Variants in ZSWIM5 observed in about 807,000 individuals in gnomAD.
ZSWIM5 encodes the protein zinc finger SWIM domain-containing protein 5.
Under a neutral mutation model 119.6 loss-of-function variants are expected in ZSWIM5, and 55 were observed. The ratio of observed to expected loss-of-function variants is 0.46; its 90% confidence interval spans 0.37 to 0.58. ZSWIM5 has a LOEUF of 0.58. ZSWIM5 is among the 20% of genes least tolerant of loss of function. ZSWIM5 has a pLI of 0.00. For synonymous variants in ZSWIM5, 537 were observed against 606.9 expected (o/e 0.88, Z 1.69); for missense variants, 1,193 against 1,512.8 (o/e 0.79, Z 3.51).
At chr1:45,114,643 C>CTT (rs374475671) in intron 1 of ZSWIM5, among the ~76,000 whole-genome samples, 14 of 133,786 alleles carry the variant, frequency 1.0e-4, no homozygotes, top group African/African-American at 3.8e-4. Flanking sequence ...TACTCTGTAT[C>CTT]TTTTTTTTTT....
At chr1:45,199,917 G>T (rs1260081777) in intron 1 of ZSWIM5, among the ~76,000 whole-genome samples, 1 of 152,134 alleles carries the variant, frequency 6.6e-6, no homozygotes, top group East Asian at 1.9e-4. Flanking sequence ...CGTAATAAGT[G>T]ACTAAACGTT....
chr1:45,191,026 A>C (rs1249268570), intron 1 of ZSWIM5, among the ~76,000 whole-genome samples: 3 of 135,576 alleles, frequency 2.2e-5, no homozygotes, highest in Admixed American at 1.8e-4. Context: ...CTCTCACTGC[A>C]AGCTGCGCCT....
Position 45,063,161 on chromosome 1 carries a change from T to C in ZSWIM5, c.953-2914A>G, listed in dbSNP as rs141445605. On this transcript the variant is annotated intron_variant, in intron 2 of 13. Coordinates refer to ENST00000359600, the MANE Select transcript of ZSWIM5 (RefSeq NM_020883.2). ...CTGCAGAGGAAATTATTTTGGTCTT[T>C]TTTTAATAGCTGCATTGAATTCCAT... Among the ~76,000 whole-genome samples, 189 of 152,340 alleles carry C rather than the reference T, an allele frequency of 1.2e-3. 3 individuals are homozygous for C. In the East Asian group the frequency reaches 0.026, roughly 21 times the overall value.
intron 2 of ZSWIM5, chr1:45,069,981 C>A: frequency 1.4e-6 from 1 of 714,382 alleles, no homozygotes; most frequent in Non-Finnish European, 2.6e-6. Context: ...TGCAGTCTAA[C>A]CCATCAGATA....
chr1:45,028,734 G>A (rs1644934535), intron 11 of ZSWIM5, among the ~76,000 whole-genome samples: 1 of 151,762 alleles, frequency 6.6e-6, no homozygotes, highest in South Asian at 2.1e-4. Context: ...CAGCCTGGGT[G>A]ACAGAGCGAG....
intron 11 of ZSWIM5, among the ~76,000 whole-genome samples, chr1:45,032,836 GT>G (rs1644961209): frequency 1.3e-5 from 2 of 150,124 alleles, no homozygotes; most frequent in Non-Finnish European, 3.0e-5. Context: ...TTTTCCCACT[GT>G]TTTCTGGCTT....
At chr1:45,020,581 A>C in intron 12 of ZSWIM5, 44 bp downstream of exon 12, 1 of 1,591,160 alleles carries the variant, frequency 6.3e-7, no homozygotes, top group Non-Finnish European at 8.6e-7. Context: ...AACTGTCACT[A>C]GGTCAGCGGT....
At chr1:45,058,240 T>G (rs1413595889) in intron 4 of ZSWIM5, among the ~76,000 whole-genome samples, 2 of 152,214 alleles carry the variant, frequency 1.3e-5, no homozygotes, top group Non-Finnish European at 2.9e-5. Context: ...GCCCTACGTC[T>G]TAAAGGTCTG....
At chr1:45,150,597 T>C (rs1344344964) in intron 1 of ZSWIM5, among the ~76,000 whole-genome samples, 2 of 152,208 alleles carry the variant, frequency 1.3e-5, no homozygotes, top group East Asian at 3.8e-4. Flanking sequence ...CAGCTCCCCT[T>C]TCTGCCCCTA....
chr1:45,039,198 T>G, intron 7 of ZSWIM5, 125 bp from the exon 8 acceptor site: 2 of 1,230,340 alleles, frequency 1.6e-6, no homozygotes, highest in Non-Finnish European at 2.3e-6. Flanking sequence ...TTCTCTATTG[T>G]CTTGCCTTGG....
At chr1:45,141,400 A>ACT (rs1171885713) in intron 1 of ZSWIM5, among the ~76,000 whole-genome samples, 1 of 152,146 alleles carries the variant, frequency 6.6e-6, no homozygotes, top group Non-Finnish European at 1.5e-5. Context: ...GAGATGAAGA[A>ACT]CTCAGGAGAG....
At chr1:45,094,423 T>A (rs566217108) in intron 1 of ZSWIM5, among the ~76,000 whole-genome samples, 1 of 152,034 alleles carries the variant, frequency 6.6e-6, no homozygotes, top group Admixed American at 6.6e-5. Flanking sequence ...GATCTCAAAC[T>A]CTGGGGCTCA....
At position 45,034,431 on chromosome 1, in the gene ZSWIM5, G is replaced by T. The variant is rs1359426107; in HGVS notation, c.2330C>A (p.Thr777Lys). ...VLENSASAGD[T>K]SHPHHMVSVV... is the part of the protein sequence containing the mutation. ...AGACACCATATGGTGAGGGTGGGAT[G>T]TGTCGCCTGCAGAAGCTGAGTTTTC... is the stretch of plus-strand genomic sequence containing the variant. Residue 777 changes from threonine to lysine, a missense_variant, in exon 11 of 14, where the codon ACA becomes AAA. Transcript: ENST00000359600. The T allele has an allele frequency of 6.2e-6, 10 of 1,612,536 alleles. No individual in the cohort carries two copies. The highest frequency in any genetic ancestry group is 8.5e-6 in the Non-Finnish European group (10 of 1,179,380).
At chr1:45,139,390 TCCTC>T (rs1383036390) in intron 1 of ZSWIM5, among the ~76,000 whole-genome samples, 1 of 141,380 alleles carries the variant, frequency 7.1e-6, no homozygotes, top group Non-Finnish European at 1.5e-5. Flanking sequence ...CTCTCTCTCC[TCCTC>T]CCTCCCTCTC....
At chr1:45,134,472 G>A (rs143828185) in intron 1 of ZSWIM5, among the ~76,000 whole-genome samples, 53 of 152,302 alleles carry the variant, frequency 3.5e-4, no homozygotes, top group Non-Finnish European at 5.3e-4. Flanking sequence ...TGTAGGTCTT[G>A]AAGAGAAAAG....
chr1:45,042,064 T>G (rs1229014838), intron 6 of ZSWIM5, among the ~76,000 whole-genome samples: 1 of 152,206 alleles, frequency 6.6e-6, no homozygotes, highest in Non-Finnish European at 1.5e-5. Context: ...CTGTACCTTA[T>G]TTTTATCCAT....
chr1:45,143,294 A>C (rs925302181), intron 1 of ZSWIM5, among the ~76,000 whole-genome samples: 1 of 152,172 alleles, frequency 6.6e-6, no homozygotes, highest in Non-Finnish European at 1.5e-5. Context: ...ACAAAGAATA[A>C]TATACCACAA....
intron 2 of ZSWIM5, among the ~76,000 whole-genome samples, chr1:45,060,698 G>A (rs1199120370): frequency 6.6e-6 from 1 of 152,100 alleles, no homozygotes; most frequent in Non-Finnish European, 1.5e-5. Flanking sequence ...TTGAGACAGG[G>A]TCTCACTCTG....
intron 2 of ZSWIM5, among the ~76,000 whole-genome samples, chr1:45,063,095 T>G (rs1314937410): frequency 6.6e-6 from 1 of 152,230 alleles, no homozygotes; most frequent in East Asian, 1.9e-4. Context: ...ATTTCTGAAT[T>G]AATTTACTTA....
Sources: allele counts gnomAD v4.1 joint callset (sites outside exome capture counted in the v4.1 genomes callset), GRCh38; gene constraint gnomAD v4.1.1; transcripts MANE v1.5; gene names NCBI Gene and HGNC (gene_info 2026-07-23, HGNC 2026-07-21).